Variants in DNAAF19 observed in about 807,000 individuals in gnomAD.
DNAAF19 encodes the protein coiled-coil domain containing 103.
chr17:44,901,348 G>A, the DNAAF19 span, among the ~76,000 whole-genome samples: 3 of 152,242 alleles, frequency 2.0e-5, no homozygotes, highest in Non-Finnish European at 4.4e-5. Context: ...ATAAGACTGA[G>A]CAAGTGTCTG....
chr17:44,901,707 A>G, the DNAAF19 span: 2 of 1,577,094 alleles, frequency 1.3e-6, no homozygotes, highest in Non-Finnish European at 1.7e-6. Context: ...TAAAGCTTCA[A>G]TCCTGTTTTT....
the DNAAF19 span, chr17:44,900,966 C>T: frequency 1.3e-6 from 2 of 1,580,658 alleles, no homozygotes; most frequent in Non-Finnish European, 1.7e-6. Context: ...TGTCCACTGA[C>T]ATGTATTCCC....
the DNAAF19 span, chr17:44,904,828 C>T: frequency 1.6e-5 from 25 of 1,550,574 alleles, no homozygotes; most frequent in Non-Finnish European, 2.2e-5. Context: ...TCCACATCCG[C>T]TTCACCCAGC....
the DNAAF19 span, chr17:44,900,852 T>C: frequency 1.3e-6 from 1 of 769,414 alleles, no homozygotes; most frequent in African/African-American, 1.8e-5. Context: ...AACCAGATTT[T>C]TGTAACACCT....
At chr17:44,899,762 C>T in the DNAAF19 span, 2 of 152,388 alleles carry the variant, frequency 1.3e-5, no homozygotes, top group Non-Finnish European at 2.9e-5. Flanking sequence ...GGTTGCCCTC[C>T]TGTTCTGGTT....
the DNAAF19 span, chr17:44,902,646 A>C: frequency 2.5e-6 from 4 of 1,613,012 alleles, no homozygotes; most frequent in Admixed American, 5.0e-5. Flanking sequence ...TGAGCCGGGC[A>C]GAGAGAGAGA....
the DNAAF19 span, chr17:44,903,440 C>A: frequency 8.0e-7 from 1 of 1,251,764 alleles, no homozygotes; most frequent in Non-Finnish European, 1.0e-6. Context: ...AAAGACTTTT[C>A]CACCAGGCTG....
At chr17:44,900,098 A>G in the DNAAF19 span, among the ~76,000 whole-genome samples, 2 of 152,246 alleles carry the variant, frequency 1.3e-5, no homozygotes, top group South Asian at 2.1e-4. Context: ...AGTAAATGCC[A>G]GAGCCACGAC....
At chr17:44,902,752 T>G in the DNAAF19 span, 1 of 1,603,692 alleles carries the variant, frequency 6.2e-7, no homozygotes, top group Non-Finnish European at 8.5e-7. Flanking sequence ...GGAGGAGCAG[T>G]CTGGTGGGCT....
chr17:44,902,391 G>T, the DNAAF19 span: 1 of 1,614,200 alleles, frequency 6.2e-7, no homozygotes, highest in South Asian at 1.1e-5. Flanking sequence ...AGCCCGAGAC[G>T]TCTGCTGACT....
chr17:44,901,390 A>G, the DNAAF19 span: 10 of 1,167,674 alleles, frequency 8.6e-6, no homozygotes, highest in African/African-American at 1.2e-4. Flanking sequence ...GCAGTCAGCT[A>G]TCGCTGTTGT....
chr17:44,904,865 T>C, the DNAAF19 span: 2,398 of 1,550,654 alleles, frequency 1.5e-3, 5 homozygotes, highest in Non-Finnish European at 1.6e-3. Context: ...CTACTATTGC[T>C]GGAGGCAGGG....
chr17:44,902,027 C>T, the DNAAF19 span, among the ~76,000 whole-genome samples: 34 of 152,284 alleles, frequency 2.2e-4, no homozygotes, highest in African/African-American at 7.9e-4. Flanking sequence ...CCTTGAGTTC[C>T]TTTCTCTCTT....
At chr17:44,904,085 G>A in the DNAAF19 span, 2 of 1,550,662 alleles carry the variant, frequency 1.3e-6, no homozygotes, top group Non-Finnish European at 1.7e-6. Context: ...TGATGGGCGG[G>A]TGCTGACGGA....
the DNAAF19 span, chr17:44,903,769 C>T: frequency 6.7e-7 from 1 of 1,485,912 alleles, no homozygotes; most frequent in Admixed American, 2.4e-5. Flanking sequence ...TTTCTAGGAG[C>T]CCTATGAGCC....
At chr17:44,904,572 C>G in the DNAAF19 span, 6 of 1,550,576 alleles carry the variant, frequency 3.9e-6, no homozygotes, top group East Asian at 1.5e-4. Flanking sequence ...AAGACAAAGA[C>G]CATCCGGGAG....
chr17:44,904,380 G>T, the DNAAF19 span: 1 of 1,542,348 alleles, frequency 6.5e-7, no homozygotes, highest in Non-Finnish European at 8.8e-7. Context: ...TGCGGAGTGC[G>T]TGGGGAGCAG....
chr17:44,903,042 G>A, the DNAAF19 span: 2 of 1,392,382 alleles, frequency 1.4e-6, no homozygotes, highest in East Asian at 2.6e-5. Flanking sequence ...AGCTCAGGAA[G>A]TTGAGAGCGG....
the DNAAF19 span, chr17:44,904,505 A>G: frequency 6.5e-7 from 1 of 1,549,630 alleles, no homozygotes; most frequent in Middle Eastern, 1.7e-4. Context: ...GCTGCGGACC[A>G]AGGCCAGGGA....
Sources: gnomAD v4.1 joint callset for allele counts (sites outside exome capture counted in the v4.1 genomes callset) on GRCh38, gnomAD v4.1.1 for gene constraint, MANE v1.5 for transcripts, NCBI Gene and HGNC (gene_info 2026-07-23, HGNC 2026-07-21) for gene names.